AKAP7: variants seen among roughly 807,000 people sequenced by gnomAD.
AKAP7 encodes the protein A-kinase anchoring protein 7.
AKAP7 carries 39 observed loss-of-function variants against 39.5 expected under a neutral mutation model. That is an observed-to-expected ratio of 0.99 (90% confidence interval 0.76 to 1.29). The LOEUF (loss-of-function observed/expected upper bound fraction) is 1.29, where lower values mean the gene tolerates loss of function less well. AKAP7 is among the 50% of genes most tolerant of loss of function. The pLI, the probability that AKAP7 is intolerant of heterozygous loss-of-function variation, is 0.00. For synonymous variants in AKAP7, 140 were observed against 139.1 expected, an observed-to-expected ratio of 1.01 and a Z score of -0.05; for missense variants, 414 against 407.7, an observed-to-expected ratio of 1.02 and a Z score of -0.13.
At chr6:131,227,163 G>A (rs80048184) in intron 7 of AKAP7, among the ~76,000 whole-genome samples, 4,568 of 152,246 alleles carry the variant, frequency 0.03, 216 homozygotes, top group African/African-American at 0.1. Context: ...GGAGCAGAGC[G>A]ATAGTCAATA....
chr6:131,142,016 C>T (rs1177261626), intron 1 of AKAP7, among the ~76,000 whole-genome samples: 4 of 149,914 alleles, frequency 2.7e-5, no homozygotes, highest in Non-Finnish European at 5.9e-5. Context: ...CTTCTGATGA[C>T]CTACAATCAG....
chr6:131,231,041 G>A (rs952204600), intron 7 of AKAP7, among the ~76,000 whole-genome samples: 2 of 151,924 alleles, frequency 1.3e-5, no homozygotes, highest in African/African-American at 4.8e-5. Context: ...TGGGTCCAGG[G>A]AAACCATGAA....
chr6:131,170,242 A>G (rs1803909720), intron 5 of AKAP7, among the ~76,000 whole-genome samples: 1 of 150,898 alleles, frequency 6.6e-6, no homozygotes. Flanking sequence ...TCACATGTAT[A>G]CATATGTAAC....
upstream of AKAP7, among the ~76,000 whole-genome samples, chr6:131,134,702 T>A (rs978372692): frequency 1.3e-5 from 2 of 152,226 alleles, no homozygotes; most frequent in Admixed American, 6.5e-5. Flanking sequence ...TGCCGACTTC[T>A]AGTGTGCAGC....
At position 131,145,409 on chromosome 6, in the gene AKAP7, C is replaced by T. The variant is rs762714169; in HGVS notation, c.144C>T (p.Asp48=). Residue 48 remains aspartate, a synonymous_variant, in exon 2 of 8, where the codon GAC becomes GAT. Transcript: ENST00000431975. ...MPFATVDIQD[D]CGITDEPQIN... ...TTGCTACTGTAGATATTCAGGATGA[C>T]TGTGGAAGTAAGTACTTTATTAAGT... The T allele has an allele frequency of 2.6e-6, 4 of 1,512,308 alleles. No individual in the cohort carries two copies. Among genetic ancestry groups the T allele is most frequent in the Admixed American group, 2.0e-5 (1 of 49,086 alleles). 93.7% of individuals were successfully genotyped at this position (1,512,308 alleles called of 1,614,324 possible). A position where few individuals can be genotyped will look rare whatever the true frequency, so the allele number is the denominator to read the frequency against.
rs1310097130 is a variant in AKAP7 at position 131,219,866 on chromosome 6, TTTATC to T, written c.850+61_850+65del. The T allele has an allele frequency of 4.2e-6, 5 of 1,200,506 alleles. No homozygotes were observed. In the Admixed American group the frequency reaches 9.7e-5, roughly 23 times the overall value. 74.4% of individuals were successfully genotyped at this position (1,200,506 alleles called of 1,614,324 possible). A position where few individuals can be genotyped will look rare whatever the true frequency, so the allele number is the denominator to read the frequency against. On this transcript the variant is annotated intron_variant, in intron 7 of 7. Transcript: ENST00000431975. ...TATTTTTAATTTTTTTGGCATCACT[TTTATC>T]TTGGCAAATATTTAAACTTAGTTGT... is the stretch of plus-strand genomic sequence containing the variant.
chr6:131,262,100 C>CTT (rs1439930731), intron 7 of AKAP7, among the ~76,000 whole-genome samples: 2 of 152,068 alleles, frequency 1.3e-5, no homozygotes, highest in East Asian at 3.9e-4. Context: ...CATTGGCCAA[C>CTT]TTTGCTATTG....
chr6:131,263,086 G>C (rs576120526), intron 7 of AKAP7, among the ~76,000 whole-genome samples: 1 of 152,212 alleles, frequency 6.6e-6, no homozygotes, highest in Non-Finnish European at 1.5e-5. Context: ...AAGGGCAGTA[G>C]AGCCAAGGCA....
intron 7 of AKAP7, among the ~76,000 whole-genome samples, chr6:131,247,515 G>A (rs567289252): frequency 2.0e-5 from 3 of 150,672 alleles, no homozygotes; most frequent in Admixed American, 6.6e-5. Flanking sequence ...TAATAGAGGC[G>A]GGGTTTCACT....
chr6:131,146,438 A>C (rs1801494502), intron 2 of AKAP7, among the ~76,000 whole-genome samples: 1 of 152,152 alleles, frequency 6.6e-6, no homozygotes, highest in African/African-American at 2.4e-5. Flanking sequence ...GGAGACCCCC[A>C]TCTCTATTTT....
intron 6 of AKAP7, among the ~76,000 whole-genome samples, chr6:131,213,423 G>C (rs1337448083): frequency 6.6e-6 from 1 of 152,186 alleles, no homozygotes; most frequent in Non-Finnish European, 1.5e-5. Context: ...AAGTGTATGT[G>C]GGAGATTGTT....
At chr6:131,181,677 T>C (rs2128256505) in intron 5 of AKAP7, among the ~76,000 whole-genome samples, 1 of 152,310 alleles carries the variant, frequency 6.6e-6, no homozygotes, top group South Asian at 2.1e-4. Context: ...GTGTTGTCCA[T>C]GCTGCACCCA....
chr6:131,251,275 T>G (rs1380600847), intron 7 of AKAP7, among the ~76,000 whole-genome samples: 1 of 152,240 alleles, frequency 6.6e-6, no homozygotes, highest in Non-Finnish European at 1.5e-5. Context: ...CACTGGCTTA[T>G]GTATATTCAC....
intron 1 of AKAP7, among the ~76,000 whole-genome samples, chr6:131,136,133 T>A (rs938663532): frequency 6.6e-5 from 10 of 152,220 alleles, no homozygotes; most frequent in African/African-American, 2.2e-4. Context: ...TGTGGGTAAA[T>A]GTAAACAAAA....
At chr6:131,264,943 T>G (rs1813659970) in intron 7 of AKAP7, among the ~76,000 whole-genome samples, 1 of 152,142 alleles carries the variant, frequency 6.6e-6, no homozygotes, top group Non-Finnish European at 1.5e-5. Context: ...CTCATTATCA[T>G]GAGGACAGCA....
Position 131,140,827 on chromosome 6 carries a change from A to G in AKAP7, c.20-4458A>G, listed in dbSNP as rs151205069. The stretch of plus-strand genomic sequence containing the variant: ...AAAGGTACAGGATGTGTATTCATCT[A>G]TGAAAACTTTTATTTAAGCCTAAGC... On this transcript the variant is annotated intron_variant, in intron 1 of 7. Transcript: ENST00000431975. Among the ~76,000 whole-genome samples the G allele has an allele frequency of 7.2e-4, 109 of 152,338 alleles. 2 individuals are homozygous for G. In the East Asian group the frequency reaches 0.02, roughly 28 times the overall value.
At chr6:131,230,666 T>C (rs941777730) in intron 7 of AKAP7, among the ~76,000 whole-genome samples, 1 of 152,202 alleles carries the variant, frequency 6.6e-6, no homozygotes, top group Admixed American at 6.5e-5. Context: ...CCAAGGCCAA[T>C]GTTGAGAAGG....
chr6:131,205,982 G>A (rs1378771285), intron 6 of AKAP7, among the ~76,000 whole-genome samples: 1 of 152,048 alleles, frequency 6.6e-6, no homozygotes, highest in Non-Finnish European at 1.5e-5. Context: ...GTATCTTTTT[G>A]GACTTATTTT....
At position 131,282,555 on chromosome 6, in the gene AKAP7, A is replaced by G. The variant is rs777914391; in HGVS notation, c.*829A>G. On this transcript the variant is annotated 3_prime_UTR_variant, in exon 8 of 8. Transcript: ENST00000431975. ...GAGCTTTTTGAAGGAAGACTTATTA[A>G]CAACAGTAATTCAGCAAATGACGTT... 4.6e-6 allele frequency: 7 copies of G among 1,535,798 alleles called. No individual in the cohort carries two copies. In the African/African-American group the frequency reaches 9.6e-5, roughly 21 times the overall value.
Sources: allele counts gnomAD v4.1 joint callset (sites outside exome capture counted in the v4.1 genomes callset), GRCh38; gene constraint gnomAD v4.1.1; transcripts MANE v1.5; gene names NCBI Gene and HGNC (gene_info 2026-07-23, HGNC 2026-07-21).